FAM171A1: variants seen among roughly 807,000 people sequenced by gnomAD.
FAM171A1 encodes the protein protein FAM171A1.
A neutral mutation model predicts 74.9 loss-of-function variants in FAM171A1; 23 were observed. That is an observed-to-expected ratio of 0.31 (90% CI 0.22 to 0.44). The LOEUF (loss-of-function observed/expected upper bound fraction) is 0.44. Among genes scored for constraint, FAM171A1 ranks in the 20% least tolerant of loss-of-function variants. The probability of loss-of-function intolerance (pLI) is 1.00; values close to 1 mark genes in which losing one functional copy is unlikely to be tolerated. For missense variants in FAM171A1, 1,162 were observed against 1,159.2 expected (o/e 1.00, Z -0.03); for synonymous variants, 527 against 505.7 (o/e 1.04, Z -0.57).
intron 1 of FAM171A1, among the ~76,000 whole-genome samples, chr10:15,316,908 A>T (rs1023660677): frequency 1.3e-5 from 2 of 152,156 alleles, no homozygotes; most frequent in Admixed American, 6.5e-5. Flanking sequence ...TCTCCAGCAC[A>T]ATGTAAAAGA....
rs1310345647 is a variant in FAM171A1 at position 15,214,426 on chromosome 10, G to C, written c.1162C>G (p.Pro388Ala). The C allele has an allele frequency of 1.2e-6, 2 of 1,613,984 alleles. No individual in the cohort carries two copies. The highest frequency in any genetic ancestry group is 1.7e-5 in the Admixed American group (1 of 59,984). Residue 388 changes from proline (P) to alanine (A), a missense_variant, in exon 8 of 8, where the codon CCC becomes GCC. Pro to Ala is a conservative substitution (Grantham distance 27). Coordinates refer to ENST00000378116, the MANE Select transcript of FAM171A1 (RefSeq NM_001010924.2). The stretch of plus-strand genomic sequence containing the variant: ...CCACTCATCAGTTCCTTCGTGCCGG[G>C]GGCCTCGGGGCGGCCGTGGCTGGTG... Reference protein sequence around the residue: ...SVTSHGRPEAPGTKELMSGVH... With the variant: ...SVTSHGRPEAAGTKELMSGVH...
At chr10:15,277,440 T>G (rs1834908532) in intron 2 of FAM171A1, among the ~76,000 whole-genome samples, 1 of 152,104 alleles carries the variant, frequency 6.6e-6, no homozygotes, top group African/African-American at 2.4e-5. Context: ...GCCAGGCTGG[T>G]TTCAAACTCC....
chr10:15,220,676 A>C (rs906527061), intron 6 of FAM171A1, among the ~76,000 whole-genome samples: 1 of 152,062 alleles, frequency 6.6e-6, no homozygotes, highest in African/African-American at 2.4e-5. Context: ...CTTTTGATGA[A>C]GAATTCCCTA....
chr10:15,288,046 T>TA (rs1318549607), intron 1 of FAM171A1, among the ~76,000 whole-genome samples: 1 of 152,230 alleles, frequency 6.6e-6, no homozygotes. Context: ...TTACTTCACT[T>TA]AGAATAATGG....
chr10:15,279,342 C>G (rs1056553921), intron 2 of FAM171A1, among the ~76,000 whole-genome samples: 2 of 152,110 alleles, frequency 1.3e-5, no homozygotes, highest in African/African-American at 2.4e-5. Context: ...TTTCTTGTAA[C>G]AAGCTTGGCA....
intron 3 of FAM171A1, among the ~76,000 whole-genome samples, chr10:15,255,876 GAC>G: frequency 6.6e-6 from 1 of 152,164 alleles, no homozygotes; most frequent in East Asian, 1.9e-4. Flanking sequence ...TTGAACTCCT[GAC>G]CTCAGGTGAT....
intron 1 of FAM171A1, among the ~76,000 whole-genome samples, chr10:15,347,124 C>T (rs1435222867): frequency 2.6e-5 from 4 of 152,036 alleles, no homozygotes; most frequent in Non-Finnish European, 4.4e-5. Flanking sequence ...CAACAATAGC[C>T]AACTATTATT....
intron 1 of FAM171A1, among the ~76,000 whole-genome samples, chr10:15,350,532 G>A (rs370276630): frequency 3.2e-4 from 49 of 151,602 alleles, no homozygotes; most frequent in African/African-American, 1.1e-3. Flanking sequence ...TAGTAGAGAC[G>A]GGGTTTCACT....
At chr10:15,225,074 A>C (rs1834087408) in intron 5 of FAM171A1, among the ~76,000 whole-genome samples, 2 of 152,142 alleles carry the variant, frequency 1.3e-5, no homozygotes, top group Non-Finnish European at 2.9e-5. Context: ...TGCATCACCC[A>C]TTTGCCAAAA....
At chr10:15,370,713 C>T (rs1397951735) in intron 1 of FAM171A1, among the ~76,000 whole-genome samples, 3 of 150,544 alleles carry the variant, frequency 2.0e-5, no homozygotes, top group Admixed American at 2.0e-4. Flanking sequence ...CCCGCGCCCC[C>T]GCCCGACCCA....
intron 1 of FAM171A1, among the ~76,000 whole-genome samples, chr10:15,312,673 G>GTTTGTTTTTTT (rs1564274246): frequency 1.1e-4 from 4 of 36,382 alleles, no homozygotes; most frequent in Non-Finnish European, 1.4e-4. Context: ...AGCACTGTGT[G>GTTTGTTTTTTT]TTTTTTTTTT....
chr10:15,229,396 C>A (rs544772731), intron 5 of FAM171A1, among the ~76,000 whole-genome samples: 174 of 152,046 alleles, frequency 1.1e-3, no homozygotes, highest in African/African-American at 4.0e-3. Context: ...AGATCCATGG[C>A]AAACACTCAT....
intron 1 of FAM171A1, among the ~76,000 whole-genome samples, chr10:15,317,807 T>C (rs1835440645): frequency 6.6e-6 from 1 of 152,234 alleles, no homozygotes; most frequent in Non-Finnish European, 1.5e-5. Context: ...AATTTACTTT[T>C]TGAGACAGGG....
At chr10:15,342,833 C>T (rs1298961317) in intron 1 of FAM171A1, among the ~76,000 whole-genome samples, 10 of 152,202 alleles carry the variant, frequency 6.6e-5, no homozygotes, top group Non-Finnish European at 1.2e-4. Context: ...GATTTTACAA[C>T]GCAGTCAGTG....
At chr10:15,319,258 A>T (rs1486562554) in intron 1 of FAM171A1, among the ~76,000 whole-genome samples, 3 of 152,142 alleles carry the variant, frequency 2.0e-5, no homozygotes, top group Non-Finnish European at 4.4e-5. Context: ...GTCCACGTTC[A>T]CCAGAGAAGA....
At position 15,223,316 on chromosome 10, in the gene FAM171A1, C is replaced by G. The variant is rs924504350; in HGVS notation, c.755-2256G>C. Among the ~76,000 whole-genome samples, 3 of 152,210 alleles carry G rather than the reference C, an allele frequency of 2.0e-5. No individual in the cohort carries two copies. The East Asian group carries it at 5.8e-4, about 29-fold the overall frequency. ...CAGCTCATGACTTACACGTCGTATC[C>G]CCTCCCCAAAGCTGGCCCACTACAG... On this transcript the variant is annotated intron_variant, in intron 5 of 7. Transcript: ENST00000378116.
intron 7 of FAM171A1, among the ~76,000 whole-genome samples, chr10:15,215,765 T>C (rs1833959018): frequency 6.6e-6 from 1 of 152,218 alleles, no homozygotes; most frequent in Non-Finnish European, 1.5e-5. Context: ...AAACTCTTTT[T>C]CATAACTCCC....
At chr10:15,288,279 C>A (rs921723477) in intron 1 of FAM171A1, among the ~76,000 whole-genome samples, 7 of 151,828 alleles carry the variant, frequency 4.6e-5, no homozygotes, top group African/African-American at 1.7e-4. Flanking sequence ...GGGTAGATAC[C>A]GGTAGTGGGA....
chr10:15,271,630 G>A (rs1341733403), intron 3 of FAM171A1, among the ~76,000 whole-genome samples: 1 of 152,190 alleles, frequency 6.6e-6, no homozygotes, highest in African/African-American at 2.4e-5. Context: ...GGCAGCCAGA[G>A]ACAAAGGTCG....
Sources: gnomAD v4.1 joint callset for allele counts (sites outside exome capture counted in the v4.1 genomes callset) on GRCh38, gnomAD v4.1.1 for gene constraint, MANE v1.5 for transcripts, NCBI Gene and HGNC (gene_info 2026-07-23, HGNC 2026-07-21) for gene names.